The following MSI2 variants were observed in gnomAD, a reference collection of about 807,000 sequenced individuals.
The protein encoded by MSI2 is RNA-binding protein Musashi homolog 2.
A neutral mutation model predicts 45.6 loss-of-function variants in MSI2; 17 were observed. The ratio of observed to expected loss-of-function variants is 0.37; its 90% CI spans 0.26 to 0.56. The LOEUF is 0.56. MSI2 is among the 20% of genes least tolerant of loss of function. MSI2 has a pLI of 0.77. For missense variants in MSI2, 293 were observed against 444.2 expected (o/e 0.66, Z 3.06); for synonymous variants, 156 against 158.2 (o/e 0.99, Z 0.11).
intron 5 of MSI2, among the ~76,000 whole-genome samples, chr17:57,300,520 A>G (rs539472596): frequency 5.3e-5 from 8 of 152,326 alleles, no homozygotes; most frequent in Non-Finnish European, 8.8e-5. Flanking sequence ...CCTATTAAAC[A>G]TACCATTTTG....
At chr17:57,337,574 G>T (rs1914778720) in intron 5 of MSI2, among the ~76,000 whole-genome samples, 1 of 152,096 alleles carries the variant, frequency 6.6e-6, no homozygotes, top group African/African-American at 2.4e-5. Flanking sequence ...AATCCCTGGC[G>T]GCTGTCCCTG....
chr17:57,385,112 G>A (rs114850247), intron 5 of MSI2, among the ~76,000 whole-genome samples: 58 of 152,176 alleles, frequency 3.8e-4, no homozygotes, highest in African/African-American at 1.2e-3. Flanking sequence ...ATTATGATAA[G>A]CTCCTAACCG....
In MSI2 at chr17:57,597,330, AC is replaced by A. The variant is rs200605193; in HGVS notation, c.537+381del. Among the ~76,000 whole-genome samples, 191 of 152,062 alleles carry A rather than the reference AC, an allele frequency of 1.3e-3. 1 individual carries two copies. The East Asian group carries it at 0.033, about 26-fold the overall frequency. On this transcript the variant is annotated intron_variant, in intron 8 of 13. Coordinates refer to ENST00000284073, the MANE Select transcript of MSI2 (RefSeq NM_138962.4). ...ATCACAAAATATTAATTTTTTAACC[AC>A]TTAAAATGTAAAAACCAGGCCAAGC...
intron 7 of MSI2, among the ~76,000 whole-genome samples, chr17:57,563,572 T>A (rs927452878): frequency 2.0e-5 from 3 of 152,066 alleles, no homozygotes; most frequent in Admixed American, 2.0e-4. Context: ...CCCAAAATAG[T>A]GAATGACATT....
intron 6 of MSI2, among the ~76,000 whole-genome samples, chr17:57,467,845 G>A (rs1598302958): frequency 1.9e-5 from 2 of 105,960 alleles, no homozygotes. Flanking sequence ...CACGTATATG[G>A]CCCACCCCCC....
intron 11 of MSI2, among the ~76,000 whole-genome samples, chr17:57,665,383 TAATTAG>T (rs1345197697): frequency 1.3e-5 from 2 of 152,234 alleles, no homozygotes; most frequent in African/African-American, 4.8e-5. Context: ...ATTAAAGACC[TAATTAG>T]AAACATGAGA....
chr17:57,468,309 G>A (rs879407514), intron 6 of MSI2, among the ~76,000 whole-genome samples: 62 of 151,370 alleles, frequency 4.1e-4, no homozygotes, highest in Non-Finnish European at 1.3e-4. Context: ...GGCAGATCAC[G>A]AGGTCAGGAG....
At chr17:57,431,542 T>A (rs528418766) in intron 6 of MSI2, among the ~76,000 whole-genome samples, 5 of 152,250 alleles carry the variant, frequency 3.3e-5, no homozygotes, top group African/African-American at 1.2e-4. Context: ...AACCTGCATG[T>A]GGGTTACTGG....
intron 5 of MSI2, among the ~76,000 whole-genome samples, chr17:57,387,945 G>A (rs896090816): frequency 6.6e-6 from 1 of 152,202 alleles, no homozygotes; most frequent in Non-Finnish European, 1.5e-5. Context: ...GAAGGAACAA[G>A]TTTAGAGAAG....
intron 7 of MSI2, among the ~76,000 whole-genome samples, chr17:57,543,011 T>C (rs1023890345): frequency 6.6e-6 from 1 of 152,364 alleles, no homozygotes; most frequent in East Asian, 1.9e-4. Context: ...CATTAATCTA[T>C]GACAAGAGGG....
intron 5 of MSI2, among the ~76,000 whole-genome samples, chr17:57,389,366 A>G (rs905024674): frequency 2.6e-5 from 4 of 152,158 alleles, no homozygotes; most frequent in Non-Finnish European, 4.4e-5. Context: ...GGCCTGGCCT[A>G]TCCTCCTTGC....
At chr17:57,396,121 A>G (rs1030649186) in intron 5 of MSI2, among the ~76,000 whole-genome samples, 1 of 152,242 alleles carries the variant, frequency 6.6e-6, no homozygotes, top group African/African-American at 2.4e-5. Context: ...TTTAAGGAAC[A>G]TGATAATAGC....
intron 10 of MSI2, among the ~76,000 whole-genome samples, chr17:57,647,274 C>CAAAAAAAAAAAAAAAAA (rs33915774): frequency 2.7e-5 from 1 of 37,680 alleles, no homozygotes; most frequent in Non-Finnish European, 5.3e-5. Context: ...ACTAAAAATA[C>CAAAAAAAAAAAAAAAAA]AAAAAAAAAA....
At chr17:57,365,803 A>G (rs1477288706) in intron 5 of MSI2, among the ~76,000 whole-genome samples, 2 of 152,222 alleles carry the variant, frequency 1.3e-5, no homozygotes, top group East Asian at 3.8e-4. Flanking sequence ...GGTGCTGTTC[A>G]GAACCTTATA....
intron 5 of MSI2, among the ~76,000 whole-genome samples, chr17:57,318,164 T>C (rs1172890612): frequency 6.6e-6 from 1 of 150,802 alleles, no homozygotes; most frequent in East Asian, 1.9e-4. Context: ...TAAAATAAAA[T>C]GGAAGGTGGA....
chr17:57,341,735 G>A (rs1036535425), intron 5 of MSI2, among the ~76,000 whole-genome samples: 3 of 151,884 alleles, frequency 2.0e-5, no homozygotes, highest in East Asian at 1.9e-4. Flanking sequence ...TTTGGATAAC[G>A]GCAAAATCAC....
At chr17:57,545,758 TGAC>T (rs1567890813) in intron 7 of MSI2, among the ~76,000 whole-genome samples, 1 of 152,240 alleles carries the variant, frequency 6.6e-6, no homozygotes, top group Admixed American at 6.5e-5. Flanking sequence ...ATTATTATTA[TGAC>T]GACTGGAGAA....
chr17:57,652,049 G>A lies in MSI2; in HGVS notation c.728-50G>A. ...GGCCCGTGACCTAGGTCTGTGCCTG[G>A]CCCTTTCAAGGATTCCTCCATGACT... On this transcript the variant is annotated intron_variant, in intron 10 of 13. Transcript: ENST00000284073. The surrounding 1 kb of genome is among the most constrained non-coding windows in gnomAD (Gnocchi z 4.1). 2 of 1,573,150 alleles carry A rather than the reference G, an allele frequency of 1.3e-6. No individual in the cohort carries two copies. Among genetic ancestry groups the A allele is most frequent in the South Asian group, 2.2e-5 (2 of 90,126 alleles).
chr17:57,581,205 G>T (rs1254225592), intron 7 of MSI2, among the ~76,000 whole-genome samples: 2 of 151,862 alleles, frequency 1.3e-5, no homozygotes, highest in Non-Finnish European at 2.9e-5. Context: ...TAGAGATGGG[G>T]TTTCACCATG....
Sources: gnomAD v4.1 joint callset for allele counts (sites outside exome capture counted in the v4.1 genomes callset) on GRCh38, gnomAD v4.1.1 for gene constraint, Gnocchi (gnomAD v3.1) non-coding constraint, MANE v1.5 for transcripts, NCBI Gene and HGNC (gene_info 2026-07-23, HGNC 2026-07-21) for gene names.